Variants in EFNA5 observed in about 807,000 individuals in gnomAD.
EFNA5 encodes ephrin-A5.
In EFNA5, 5 loss-of-function variants were observed where a neutral mutation model predicts 22.9. The ratio of observed to expected loss-of-function variants is 0.22; its 90% CI spans 0.11 to 0.46. The LOEUF (loss-of-function observed/expected upper bound fraction) is 0.46. EFNA5 is among the 20% of genes least tolerant of loss of function. EFNA5 has a pLI of 0.99. For missense variants in EFNA5, 237 were observed against 293.3 expected, an observed-to-expected ratio of 0.81 and a Z score of 1.40; for synonymous variants, 113 against 112.2, an observed-to-expected ratio of 1.01 and a Z score of -0.04.
At chr5:107,533,034 T>G (rs1747851929) in intron 1 of EFNA5, among the ~76,000 whole-genome samples, 1 of 152,144 alleles carries the variant, frequency 6.6e-6, no homozygotes, top group African/African-American at 2.4e-5. Context: ...GTACCTTTTT[T>G]ATTTATTGGC....
chr5:107,628,710 A>G (rs1750187382), intron 1 of EFNA5, among the ~76,000 whole-genome samples: 1 of 152,202 alleles, frequency 6.6e-6, no homozygotes, highest in Non-Finnish European at 1.5e-5. Context: ...AGGGAATATG[A>G]AGCCAAAATA....
At chr5:107,511,055 T>C (rs1747359165) in intron 1 of EFNA5, among the ~76,000 whole-genome samples, 1 of 145,878 alleles carries the variant, frequency 6.9e-6, no homozygotes, top group South Asian at 2.1e-4. Flanking sequence ...ACGGAGAGTT[T>C]TGCTCTTGTT....
chr5:107,650,369 T>A (rs1251158031), intron 1 of EFNA5, among the ~76,000 whole-genome samples: 1 of 152,172 alleles, frequency 6.6e-6, no homozygotes, highest in Non-Finnish European at 1.5e-5. Context: ...ATCAGGAGAC[T>A]TCTGTCTTTG....
intron 1 of EFNA5, among the ~76,000 whole-genome samples, chr5:107,598,544 A>G (rs1216568379): frequency 2.0e-5 from 3 of 152,206 alleles, no homozygotes; most frequent in African/African-American, 7.2e-5. Context: ...TGGACAATGA[A>G]ACAGAATTAT....
intron 1 of EFNA5, among the ~76,000 whole-genome samples, chr5:107,566,660 TA>T (rs1209089035): frequency 6.6e-6 from 1 of 152,118 alleles, no homozygotes; most frequent in Admixed American, 6.5e-5. Flanking sequence ...ATCACACACT[TA>T]AAAAAAGACT....
chr5:107,491,407 G>T (rs1338693597), intron 1 of EFNA5, among the ~76,000 whole-genome samples: 1 of 152,142 alleles, frequency 6.6e-6, no homozygotes, highest in African/African-American at 2.4e-5. Flanking sequence ...TGCCTCCCGG[G>T]TTCAAGTGAT....
chr5:107,617,497 C>G (rs1561450739), intron 1 of EFNA5, among the ~76,000 whole-genome samples: 1 of 152,144 alleles, frequency 6.6e-6, no homozygotes, highest in Admixed American at 6.5e-5. Flanking sequence ...AGCACCACCA[C>G]CCAATGCTCA....
chr5:107,474,127 C>T (rs1750217630), intron 1 of EFNA5, among the ~76,000 whole-genome samples: 1 of 152,088 alleles, frequency 6.6e-6, no homozygotes, highest in South Asian at 2.1e-4. Flanking sequence ...TATTTAGAAA[C>T]CCAGAGATTT....
chr5:107,399,532 T>TA (rs1370770924), intron 2 of EFNA5, among the ~76,000 whole-genome samples: 1 of 152,016 alleles, frequency 6.6e-6, no homozygotes, highest in Non-Finnish European at 1.5e-5. Context: ...GAACAGAGAA[T>TA]AAAAGCAAAG....
At chr5:107,438,001 A>T (rs1749160908) in intron 1 of EFNA5, among the ~76,000 whole-genome samples, 1 of 152,236 alleles carries the variant, frequency 6.6e-6, no homozygotes, top group Non-Finnish European at 1.5e-5. Flanking sequence ...ATTACCATTT[A>T]TCGGGGTAAT....
intron 1 of EFNA5, among the ~76,000 whole-genome samples, chr5:107,580,826 T>C (rs920440217): frequency 1.3e-5 from 2 of 152,082 alleles, no homozygotes; most frequent in Non-Finnish European, 2.9e-5. Context: ...TACCACTCCA[T>C]TAGCTGTGTC....
intron 1 of EFNA5, among the ~76,000 whole-genome samples, chr5:107,526,414 G>A (rs895707119): frequency 6.6e-6 from 1 of 152,184 alleles, no homozygotes; most frequent in Non-Finnish European, 1.5e-5. Flanking sequence ...CCTGAAACCA[G>A]GGCTGGGCCA....
intron 1 of EFNA5, among the ~76,000 whole-genome samples, chr5:107,440,771 TC>T (rs1749235704): frequency 1.3e-5 from 2 of 152,010 alleles, no homozygotes; most frequent in Non-Finnish European, 2.9e-5. Context: ...ATGAGCTGGG[TC>T]AAAAAACAAC....
intron 1 of EFNA5, among the ~76,000 whole-genome samples, chr5:107,455,678 G>A (rs906041495): frequency 6.6e-6 from 1 of 152,154 alleles, no homozygotes; most frequent in African/African-American, 2.4e-5. Context: ...CCTCATTCTT[G>A]TCTTTAACCT....
intron 1 of EFNA5, among the ~76,000 whole-genome samples, chr5:107,657,844 A>T (rs1174655190): frequency 6.6e-6 from 1 of 152,126 alleles, no homozygotes; most frequent in Non-Finnish European, 1.5e-5. Flanking sequence ...TTATATACAC[A>T]GAGTGAAGAT....
chr5:107,431,511 T>G (rs914737484), intron 1 of EFNA5, among the ~76,000 whole-genome samples: 1 of 152,134 alleles, frequency 6.6e-6, no homozygotes, highest in Non-Finnish European at 1.5e-5. Context: ...ATAGCCACTA[T>G]TATTACTACA....
chr5:107,567,501 T>C (rs1444369618), intron 1 of EFNA5, among the ~76,000 whole-genome samples: 1 of 152,164 alleles, frequency 6.6e-6, no homozygotes. Context: ...TTATGTACTC[T>C]GGAGAGGTGA....
At chr5:107,546,646 C>T (rs1008855107) in intron 1 of EFNA5, among the ~76,000 whole-genome samples, 4 of 113,074 alleles carry the variant, frequency 3.5e-5, no homozygotes, top group Non-Finnish European at 5.5e-5. Flanking sequence ...TTTTCTGGTG[C>T]GTAAAACACA....
chr5:107,466,331 T>G (rs3852198), intron 1 of EFNA5, among the ~76,000 whole-genome samples: 9,608 of 152,096 alleles, frequency 0.063, 1,024 homozygotes, highest in African/African-American at 0.22. Flanking sequence ...AGATAATACT[T>G]CATCCTCCCT....
Sources: gnomAD v4.1 joint callset for allele counts (sites outside exome capture counted in the v4.1 genomes callset) on GRCh38, gnomAD v4.1.1 for gene constraint, MANE v1.5 for transcripts, NCBI Gene and HGNC (gene_info 2026-07-23, HGNC 2026-07-21) for gene names.